Variants in CDK6 observed in about 807,000 individuals in gnomAD.
CDK6 encodes the protein cyclin dependent kinase 6, also known as cyclin-dependent kinase 6.
A neutral mutation model predicts 37.1 loss-of-function variants in CDK6; 6 were observed. The observed-to-expected ratio is 0.16, with a 90% CI of 0.09 to 0.32. The LOEUF is 0.32. Among genes scored for constraint, CDK6 ranks in the 10% least tolerant of loss-of-function variants. The probability of loss-of-function intolerance (pLI) is 1.00; values close to 1 mark genes in which losing one functional copy is unlikely to be tolerated. For missense variants in CDK6, 224 were observed against 418.9 expected (o/e 0.53, Z 4.06); for synonymous variants, 160 against 161.3 (o/e 0.99, Z 0.06).
At chr7:92,781,806 AGAAGAATTT>A (rs1270555009) in intron 2 of CDK6, among the ~76,000 whole-genome samples, 2 of 152,204 alleles carry the variant, frequency 1.3e-5, no homozygotes, top group East Asian at 3.9e-4. Context: ...TTTGGAATCG[AGAAGAATTT>A]TTAAAAATAT....
intron 4 of CDK6, among the ~76,000 whole-genome samples, chr7:92,679,234 T>C (rs1797277929): frequency 1.3e-5 from 2 of 152,260 alleles, no homozygotes; most frequent in African/African-American, 4.8e-5. Flanking sequence ...TCTCCAAGTT[T>C]CAGTTTTCTC....
At chr7:92,644,046 G>A (rs528711573) in intron 5 of CDK6, among the ~76,000 whole-genome samples, 2 of 152,338 alleles carry the variant, frequency 1.3e-5, no homozygotes, top group East Asian at 3.9e-4. Context: ...GAGAATGGAA[G>A]GCAAAAGCAG....
intron 4 of CDK6, among the ~76,000 whole-genome samples, chr7:92,713,553 ATGAG>A (rs1798150809): frequency 6.6e-6 from 1 of 152,042 alleles, no homozygotes; most frequent in Non-Finnish European, 1.5e-5. Flanking sequence ...TATGATTAGA[ATGAG>A]TATCACTGAT....
At chr7:92,815,629 G>T (rs1024399873) in intron 2 of CDK6, among the ~76,000 whole-genome samples, 1 of 152,152 alleles carries the variant, frequency 6.6e-6, no homozygotes, top group Admixed American at 6.5e-5. Flanking sequence ...GGTACAGGAA[G>T]GAGGAACCTC....
At chr7:92,796,070 G>A (rs1339065863) in intron 2 of CDK6, among the ~76,000 whole-genome samples, 1 of 140,882 alleles carries the variant, frequency 7.1e-6, no homozygotes, top group Non-Finnish European at 1.5e-5. Flanking sequence ...AACACCACCA[G>A]CAGCTGAAAT....
intron 3 of CDK6, among the ~76,000 whole-genome samples, chr7:92,753,885 TATAAAC>T (rs1208755992): frequency 1.3e-5 from 2 of 152,338 alleles, no homozygotes; most frequent in African/African-American, 4.8e-5. Flanking sequence ...CATGGAATGA[TATAAAC>T]AGTTCACCTG....
chr7:92,624,447 A>G (rs997585542), intron 5 of CDK6, among the ~76,000 whole-genome samples: 2 of 152,190 alleles, frequency 1.3e-5, no homozygotes, highest in African/African-American at 4.8e-5. Context: ...AACCATGAGA[A>G]GGTAAGCCTA....
intron 4 of CDK6, among the ~76,000 whole-genome samples, chr7:92,699,926 G>A (rs921766726): frequency 3.3e-5 from 5 of 152,222 alleles, no homozygotes; most frequent in Admixed American, 3.3e-4. Flanking sequence ...GCAAGATGGA[G>A]AATCATAGTA....
At chr7:92,813,791 A>G (rs1422217184) in intron 2 of CDK6, among the ~76,000 whole-genome samples, 4 of 152,148 alleles carry the variant, frequency 2.6e-5, no homozygotes, top group Non-Finnish European at 5.9e-5. Flanking sequence ...CCCCTTAAAA[A>G]CGGCTAAGCA....
intron 3 of CDK6, among the ~76,000 whole-genome samples, chr7:92,738,640 G>GAAA (rs550034756): frequency 7.8e-6 from 1 of 128,672 alleles, no homozygotes; most frequent in Non-Finnish European, 1.7e-5. Context: ...CTCCATCTCC[G>GAAA]AAAAAAAAAA....
At chr7:92,640,611 A>T (rs1348383752) in intron 5 of CDK6, among the ~76,000 whole-genome samples, 1 of 152,210 alleles carries the variant, frequency 6.6e-6, no homozygotes, top group Non-Finnish European at 1.5e-5. Flanking sequence ...GATGACTATT[A>T]CTTTCTGACT....
intron 2 of CDK6, among the ~76,000 whole-genome samples, chr7:92,781,185 A>G (rs928328296): frequency 6.6e-6 from 1 of 152,244 alleles, no homozygotes; most frequent in African/African-American, 2.4e-5. Context: ...CAAAAAAGGC[A>G]GATAGGTCGT....
intron 3 of CDK6, among the ~76,000 whole-genome samples, chr7:92,750,994 A>G (rs1245864147): frequency 6.6e-6 from 1 of 152,208 alleles, no homozygotes; most frequent in African/African-American, 2.4e-5. Context: ...ATATTTGATC[A>G]TTACAAGAAT....
chr7:92,727,088 T>C (rs754562819), intron 3 of CDK6, among the ~76,000 whole-genome samples: 3 of 152,232 alleles, frequency 2.0e-5, no homozygotes, highest in African/African-American at 7.2e-5. Context: ...GGACAGTGTC[T>C]GAAGGTAGGA....
intron 4 of CDK6, among the ~76,000 whole-genome samples, chr7:92,712,629 G>C (rs1021321049): frequency 4.6e-5 from 7 of 152,116 alleles, no homozygotes; most frequent in African/African-American, 1.7e-4. Flanking sequence ...ACAAAGAAAA[G>C]ATAAAGACAA....
chr7:92,749,874 C>A (rs1799148789), intron 3 of CDK6, among the ~76,000 whole-genome samples: 7 of 152,154 alleles, frequency 4.6e-5, no homozygotes, highest in Admixed American at 4.6e-4. Context: ...GTGAGCACTA[C>A]TGAAATGAAA....
chr7:92,646,230 G>A (rs1322417235), intron 5 of CDK6, among the ~76,000 whole-genome samples: 1 of 152,094 alleles, frequency 6.6e-6, no homozygotes, highest in African/African-American at 2.4e-5. Context: ...ACTTACATAT[G>A]CCTGGTCTGA....
At chr7:92,708,126 C>T (rs1798007519) in intron 4 of CDK6, among the ~76,000 whole-genome samples, 1 of 152,092 alleles carries the variant, frequency 6.6e-6, no homozygotes, top group Admixed American at 6.5e-5. Context: ...CTTTTCTTTA[C>T]TAATTTACAA....
At chr7:92,669,701 G>A (rs1402187665) in intron 5 of CDK6, among the ~76,000 whole-genome samples, 3 of 152,186 alleles carry the variant, frequency 2.0e-5, no homozygotes, top group Non-Finnish European at 2.9e-5. Flanking sequence ...ATCGCTGAAG[G>A]TACTTTTAAA....
Sources: gnomAD v4.1 joint callset for allele counts (sites outside exome capture counted in the v4.1 genomes callset) on GRCh38, gnomAD v4.1.1 for gene constraint, MANE v1.5 for transcripts, NCBI Gene and HGNC (gene_info 2026-07-23, HGNC 2026-07-21) for gene names.